The following ZNF385D variants were observed in gnomAD, a reference collection of about 807,000 sequenced individuals.
ZNF385D encodes zinc finger protein 385D, also known as zinc finger protein 659.
Under a neutral mutation model 35.8 loss-of-function variants are expected in ZNF385D, and 15 were observed. The ratio of observed to expected loss-of-function variants is 0.42; its 90% confidence interval spans 0.28 to 0.64. ZNF385D has a LOEUF of 0.64. Ranked by LOEUF, ZNF385D falls within the 30% of genes least tolerant of loss-of-function variation. The pLI is 0.23. For missense variants in ZNF385D, 474 were observed against 494.6 expected (o/e 0.96, Z 0.39); for synonymous variants, 212 against 186.8 (o/e 1.13, Z -1.10).
chr3:21,601,342 A>G (rs2064284093), intron 2 of ZNF385D, among the ~76,000 whole-genome samples: 1 of 151,566 alleles, frequency 6.6e-6, no homozygotes, highest in Non-Finnish European at 1.5e-5. Flanking sequence ...AAAACAGTCA[A>G]AACTCCAGCT....
chr3:22,000,426 G>A (rs548444298), intron 3 of ZNF385D, among the ~76,000 whole-genome samples: 1 of 152,244 alleles, frequency 6.6e-6, no homozygotes, highest in South Asian at 2.1e-4. Flanking sequence ...GGCAATGTCA[G>A]GAAGTTACCC....
intron 3 of ZNF385D, among the ~76,000 whole-genome samples, chr3:21,844,580 C>T (rs149179050): frequency 6.6e-6 from 1 of 151,906 alleles, no homozygotes; most frequent in Admixed American, 6.6e-5. Flanking sequence ...TGATAAATCA[C>T]CAAACCAAAA....
At chr3:22,143,987 A>G (rs1467515430) in intron 3 of ZNF385D, among the ~76,000 whole-genome samples, 4 of 152,206 alleles carry the variant, frequency 2.6e-5, no homozygotes, top group African/African-American at 9.6e-5. Flanking sequence ...ATTGTCAGCT[A>G]CATTTCATGT....
At chr3:21,856,941 C>G (rs903341939) in intron 3 of ZNF385D, among the ~76,000 whole-genome samples, 2 of 152,074 alleles carry the variant, frequency 1.3e-5, no homozygotes, top group African/African-American at 4.8e-5. Context: ...GCAGAAGAGG[C>G]CAATCTAAGT....
At chr3:21,659,943 G>A (rs1457357674) in intron 2 of ZNF385D, among the ~76,000 whole-genome samples, 3 of 152,026 alleles carry the variant, frequency 2.0e-5, no homozygotes, top group Admixed American at 6.6e-5. Flanking sequence ...GATTTCATAG[G>A]AGAAGCACTG....
intron 2 of ZNF385D, chr3:22,372,383 TC>T: frequency 1.1e-6 from 1 of 945,952 alleles, no homozygotes; most frequent in Non-Finnish European, 1.3e-6. Context: ...CAACCCTAGC[TC>T]CTTGCCCGGC....
Position 22,252,808 on chromosome 3 carries a change from T to C in ZNF385D, c.107-83773A>G, listed in dbSNP as rs537081347. Among the ~76,000 whole-genome samples the C allele has an allele frequency of 1.1e-4, 17 of 152,156 alleles. No homozygotes were observed. In the South Asian group the frequency reaches 2.3e-3, roughly 20 times the overall value. ...GTTTGAATAAGTTTAACAAGTCCACTGTGGTGAAGCATAGGTATATTGCTG... is the reference window on the plus strand; with the variant it reads ...GTTTGAATAAGTTTAACAAGTCCACCGTGGTGAAGCATAGGTATATTGCTG... On this transcript the variant is annotated intron_variant, in intron 2 of 5. Transcript: ENST00000494108.
intron 2 of ZNF385D, among the ~76,000 whole-genome samples, chr3:22,214,337 T>C (rs532783566): frequency 2.0e-5 from 3 of 152,126 alleles, no homozygotes; most frequent in South Asian, 2.1e-4. Context: ...CAGGACCCTG[T>C]GATAATTGCA....
chr3:22,298,463 T>C (rs1227763392), intron 2 of ZNF385D, among the ~76,000 whole-genome samples: 1 of 124,602 alleles, frequency 8.0e-6, no homozygotes, highest in African/African-American at 2.8e-5. Context: ...ATATATAATA[T>C]ATAAATATAC....
At chr3:21,696,772 T>G (rs1399757930) in intron 1 of ZNF385D, among the ~76,000 whole-genome samples, 2 of 152,150 alleles carry the variant, frequency 1.3e-5, no homozygotes, top group Admixed American at 6.6e-5. Flanking sequence ...TGGGGGAAAA[T>G]CTACTCCTGA....
At chr3:21,938,849 G>A (rs866828357) in intron 3 of ZNF385D, among the ~76,000 whole-genome samples, 2 of 152,120 alleles carry the variant, frequency 1.3e-5, no homozygotes, top group Non-Finnish European at 2.9e-5. Flanking sequence ...CCAGTTTCAG[G>A]CCTTCCCAAC....
intron 2 of ZNF385D, among the ~76,000 whole-genome samples, chr3:22,233,550 G>T (rs912642179): frequency 1.3e-5 from 2 of 152,076 alleles, no homozygotes; most frequent in Non-Finnish European, 1.5e-5. Flanking sequence ...AAATATGTGC[G>T]TATTATTGCA....
intron 2 of ZNF385D, among the ~76,000 whole-genome samples, chr3:22,185,960 T>G (rs1025703402): frequency 1.3e-5 from 2 of 152,180 alleles, no homozygotes; most frequent in African/African-American, 2.4e-5. Flanking sequence ...CATGAAAGGG[T>G]AGATCTCTAC....
At chr3:22,280,201 A>G in intron 2 of ZNF385D, among the ~76,000 whole-genome samples, 1 of 152,012 alleles carries the variant, frequency 6.6e-6, no homozygotes, top group South Asian at 2.1e-4. Context: ...TAGATTGTGA[A>G]GATTTTCTCC....
At chr3:22,008,642 C>T (rs184220347) in intron 3 of ZNF385D, among the ~76,000 whole-genome samples, 1 of 152,164 alleles carries the variant, frequency 6.6e-6, no homozygotes, top group Non-Finnish European at 1.5e-5. Flanking sequence ...AGGCGTGAGC[C>T]ACCGCGCCCA....
chr3:22,238,374 T>C (rs1699308092), intron 2 of ZNF385D, among the ~76,000 whole-genome samples: 2 of 151,156 alleles, frequency 1.3e-5, no homozygotes, highest in Non-Finnish European at 2.9e-5. Flanking sequence ...TTGATAGAGA[T>C]TGCTTTGAAT....
At chr3:21,572,179 A>G (rs921702339) in intron 2 of ZNF385D, among the ~76,000 whole-genome samples, 10 of 152,170 alleles carry the variant, frequency 6.6e-5, no homozygotes, top group African/African-American at 2.4e-4. Flanking sequence ...TCTAGATACT[A>G]CTATCACTTG....
At chr3:21,980,805 G>C (rs907686830) in intron 3 of ZNF385D, among the ~76,000 whole-genome samples, 2 of 152,128 alleles carry the variant, frequency 1.3e-5, no homozygotes, top group Admixed American at 1.3e-4. Flanking sequence ...TTATAAGTGA[G>C]AACATGTAAT....
intron 4 of ZNF385D, among the ~76,000 whole-genome samples, chr3:21,502,472 T>C (rs1322153723): frequency 6.6e-6 from 1 of 152,210 alleles, no homozygotes; most frequent in East Asian, 1.9e-4. Context: ...AAAATTTTTA[T>C]GTGATGCAGG....
Sources: gnomAD v4.1 joint callset for allele counts (sites outside exome capture counted in the v4.1 genomes callset) on GRCh38, gnomAD v4.1.1 for gene constraint, MANE v1.5 for transcripts, NCBI Gene and HGNC (gene_info 2026-07-23, HGNC 2026-07-21) for gene names.